ZBTB20: variants seen among roughly 807,000 people sequenced by gnomAD.
The protein encoded by ZBTB20 is zinc finger and BTB domain containing 20, also known as zinc finger and BTB domain-containing protein 20.
In ZBTB20, 9 loss-of-function variants were observed where a neutral mutation model predicts 56.9. That is an observed-to-expected ratio of 0.16 (90% CI 0.10 to 0.28). The LOEUF is 0.28. Ranked by LOEUF, ZBTB20 falls within the 10% of genes least tolerant of loss-of-function variation. The pLI, the probability that ZBTB20 is intolerant of heterozygous loss-of-function variation, is 1.00. For missense variants in ZBTB20, 655 were observed against 1,003.0 expected (o/e 0.65, Z 4.69); for synonymous variants, 417 against 420.7 (o/e 0.99, Z 0.11).
intron 5 of ZBTB20, among the ~76,000 whole-genome samples, chr3:114,696,619 GA>G (rs2108346655): frequency 6.6e-6 from 1 of 152,118 alleles, no homozygotes; most frequent in African/African-American, 2.4e-5. Context: ...TCCCTTATCA[GA>G]CAAATGCCTG....
At chr3:114,755,523 G>C (rs1177022097) in intron 5 of ZBTB20, among the ~76,000 whole-genome samples, 2 of 152,134 alleles carry the variant, frequency 1.3e-5, no homozygotes, top group African/African-American at 4.8e-5. Flanking sequence ...TATTATAAAA[G>C]TGAATGCCTT....
At chr3:114,732,570 A>G (rs2065839296) in intron 5 of ZBTB20, among the ~76,000 whole-genome samples, 1 of 152,188 alleles carries the variant, frequency 6.6e-6, no homozygotes, top group Non-Finnish European at 1.5e-5. Flanking sequence ...CTCCTGGGGA[A>G]GGCTACATCC....
Position 115,068,350 on chromosome 3 carries a change from A to C in ZBTB20, c.-507+2869T>G, listed in dbSNP as rs190537887. On this transcript the variant is annotated intron_variant, in intron 2 of 11. Transcript: ENST00000675478. ...AAAACGGGTGAAATTTAAATCAACC[A>C]ACTAAAGAATAAACAGTATAGGTTA... Among the ~76,000 whole-genome samples, 441 of 152,240 alleles carry C rather than the reference A, an allele frequency of 2.9e-3. 5 individuals carry two copies. Among genetic ancestry groups the C allele is most frequent in the Non-Finnish European group, 6.2e-4 (42 of 67,988 alleles).
chr3:115,117,942 T>A (rs181189595), intron 1 of ZBTB20, among the ~76,000 whole-genome samples: 1 of 152,174 alleles, frequency 6.6e-6, no homozygotes, highest in Non-Finnish European at 1.5e-5. Flanking sequence ...AGTGCTTCGG[T>A]AGAAAGAACG....
At position 114,351,616 on chromosome 3, in the gene ZBTB20, G is replaced by C; in HGVS notation, c.462C>G (p.Leu154=). 1 of 1,614,166 alleles carries C rather than the reference G, an allele frequency of 6.2e-7. No individual in the cohort carries two copies. Among genetic ancestry groups the C allele is most frequent in the Non-Finnish European group, 8.5e-7 (1 of 1,180,044 alleles). ...GCACGCCGCTGTACATGAAGTCAAT[G>C]AGCTTTTGCACTGACTGCACTGACA... ...SVVSVQSVQK[L]IDFMYSGVLR... Residue 154 remains leucine (L), a synonymous_variant, in exon 11 of 12, where the codon CTC becomes CTG. Transcript: ENST00000675478.
At chr3:114,948,791 A>C (rs1343943114) in intron 3 of ZBTB20, among the ~76,000 whole-genome samples, 2 of 146,494 alleles carry the variant, frequency 1.4e-5, no homozygotes, top group Non-Finnish European at 2.9e-5. Flanking sequence ...CACTGTGCAG[A>C]AAACTATAAA....
At chr3:114,747,383 T>C (rs1383150739) in intron 5 of ZBTB20, among the ~76,000 whole-genome samples, 1 of 151,882 alleles carries the variant, frequency 6.6e-6, no homozygotes, top group African/African-American at 2.4e-5. Context: ...CTGGCCAACA[T>C]GGTGAAACCC....
At chr3:114,757,076 T>C (rs1008773218) in intron 5 of ZBTB20, among the ~76,000 whole-genome samples, 4 of 152,152 alleles carry the variant, frequency 2.6e-5, no homozygotes, top group Non-Finnish European at 4.4e-5. Flanking sequence ...TAGTCTGGCC[T>C]CCGCATGTCT....
rs1453266030 is a variant in ZBTB20 at position 114,335,460 on chromosome 3, G to A, written c.*3545C>T. On this transcript the variant is annotated 3_prime_UTR_variant, in exon 12 of 12. Transcript: ENST00000675478. Reference sequence around the variant, plus strand: ...ATTTGTGATTGTTTAACTTAAAAGTGAGAATTGACAATCTAAAAGCATCTC... The same window carrying A: ...ATTTGTGATTGTTTAACTTAAAAGTAAGAATTGACAATCTAAAAGCATCTC... The A allele has an allele frequency of 6.6e-6, 1 of 152,196 alleles. No individual in the cohort carries two copies. Among genetic ancestry groups the A allele is most frequent in the African/African-American group, 2.4e-5 (1 of 41,436 alleles). The allele number at this position is 152,196 out of a possible 1,614,324, so 9.4% of individuals were successfully genotyped here. A position where few individuals can be genotyped will look rare whatever the true frequency, so the allele number is the denominator to read the frequency against.
At chr3:115,019,743 A>G (rs1218920937) in intron 2 of ZBTB20, among the ~76,000 whole-genome samples, 1 of 151,312 alleles carries the variant, frequency 6.6e-6, no homozygotes, top group African/African-American at 2.4e-5. Flanking sequence ...TAATGACAAT[A>G]AAGAGAAGTC....
Position 114,654,497 on chromosome 3 carries a change from A to C in ZBTB20, c.-295+39031T>G, listed in dbSNP as rs911800209. Among the ~76,000 whole-genome samples the C allele has an allele frequency of 1.9e-4, 29 of 152,146 alleles. 1 individual carries two copies. The highest frequency in any genetic ancestry group is 7.0e-4 in the African/African-American group (29 of 41,562). On this transcript the variant is annotated intron_variant, in intron 6 of 11. Coordinates refer to ENST00000675478, the MANE Select transcript of ZBTB20 (RefSeq NM_001348800.3). The stretch of plus-strand genomic sequence containing the variant: ...CAAGAAGCATATTTTGTAGTATCTC[A>C]ATCTTTTGAAAATGTTTGAAACTCA...
chr3:114,422,928 G>A (rs889407860), intron 7 of ZBTB20, among the ~76,000 whole-genome samples: 11 of 152,128 alleles, frequency 7.2e-5, no homozygotes, highest in African/African-American at 2.4e-4. Flanking sequence ...GATTGGCAAA[G>A]TAGTCAAAGT....
At chr3:115,025,229 G>C (rs1011053115) in intron 2 of ZBTB20, among the ~76,000 whole-genome samples, 1 of 151,258 alleles carries the variant, frequency 6.6e-6, no homozygotes, top group South Asian at 2.1e-4. Context: ...GTTCGCTAAG[G>C]CTAACGGCTT....
At chr3:114,570,771 A>AT (rs1559974713) in intron 6 of ZBTB20, among the ~76,000 whole-genome samples, 1 of 152,142 alleles carries the variant, frequency 6.6e-6, no homozygotes, top group Non-Finnish European at 1.5e-5. Flanking sequence ...GATGGTTAAG[A>AT]TTTTTTCAAT....
intron 7 of ZBTB20, among the ~76,000 whole-genome samples, chr3:114,488,804 T>C (rs1012430628): frequency 6.6e-6 from 1 of 152,186 alleles, no homozygotes; most frequent in African/African-American, 2.4e-5. Context: ...AAGAAGAAAG[T>C]TCCAAATTCC....
intron 1 of ZBTB20, among the ~76,000 whole-genome samples, chr3:115,077,261 C>T (rs752140511): frequency 1.3e-5 from 2 of 152,106 alleles, no homozygotes; most frequent in African/African-American, 4.8e-5. Context: ...AATATTACCC[C>T]TCCCCCAAAT....
intron 2 of ZBTB20, among the ~76,000 whole-genome samples, chr3:114,981,415 T>C (rs2078321568): frequency 6.6e-6 from 1 of 152,124 alleles, no homozygotes; most frequent in Non-Finnish European, 1.5e-5. Context: ...CATTACAAGG[T>C]ATTTGAGCTT....
intron 4 of ZBTB20, among the ~76,000 whole-genome samples, chr3:114,855,544 G>A (rs1425005998): frequency 6.6e-6 from 1 of 152,168 alleles, no homozygotes; most frequent in African/African-American, 2.4e-5. Context: ...GTGATTCCTG[G>A]AACTTGGGAG....
At chr3:115,038,133 C>T (rs1317852086) in intron 2 of ZBTB20, among the ~76,000 whole-genome samples, 1 of 152,140 alleles carries the variant, frequency 6.6e-6, no homozygotes, top group Non-Finnish European at 1.5e-5. Flanking sequence ...AACTTCCAAT[C>T]TCAAGCCTAT....
Sources: allele counts gnomAD v4.1 joint callset (sites outside exome capture counted in the v4.1 genomes callset), GRCh38; gene constraint gnomAD v4.1.1; transcripts MANE v1.5; gene names NCBI Gene and HGNC (gene_info 2026-07-23, HGNC 2026-07-21).